ENTHD1: variants seen among roughly 807,000 people sequenced by gnomAD.
ENTHD1 encodes the protein ENTH domain-containing protein 1.
Under a neutral mutation model 39.1 loss-of-function variants are expected in ENTHD1, and 23 were observed. The observed-to-expected ratio is 0.59, with a 90% confidence interval of 0.42 to 0.83. The LOEUF (loss-of-function observed/expected upper bound fraction) is 0.83. Ranked by LOEUF, ENTHD1 falls within the 40% of genes least tolerant of loss-of-function variation. The pLI, the probability that ENTHD1 is intolerant of heterozygous loss-of-function variation, is 0.00. For missense variants in ENTHD1, 624 were observed against 705.4 expected (o/e 0.88, Z 1.31); for synonymous variants, 230 against 258.2 (o/e 0.89, Z 1.05).
chr22:39,761,301 G>A (rs1434870118), intron 6 of ENTHD1, among the ~76,000 whole-genome samples: 1 of 152,152 alleles, frequency 6.6e-6, no homozygotes, highest in Non-Finnish European at 1.5e-5. Context: ...AAAATCAGGT[G>A]TCATTCATAT....
At chr22:39,750,235 C>G (rs1010773125) in intron 6 of ENTHD1, 5 of 190,738 alleles carry the variant, frequency 2.6e-5, no homozygotes, top group Non-Finnish European at 5.7e-5. Context: ...TCTGTTAGAA[C>G]CTTGTTGAAG....
At chr22:39,833,034 A>G (rs2065881975) in intron 4 of ENTHD1, among the ~76,000 whole-genome samples, 1 of 152,064 alleles carries the variant, frequency 6.6e-6, no homozygotes, top group African/African-American at 2.4e-5. Flanking sequence ...TAGGCTTGGG[A>G]AGATGCTTCT....
chr22:39,768,867 G>A lies in ENTHD1; in HGVS notation c.833-3258C>T, dbSNP rs147174339. Among the ~76,000 whole-genome samples the A allele has an allele frequency of 3.5e-3, 532 of 152,072 alleles. 3 individuals carry two copies. The highest frequency in any genetic ancestry group is 0.012 in the African/African-American group (517 of 41,482). On this transcript the variant is annotated intron_variant, in intron 5 of 6. Transcript: ENST00000325157. ...TTTGTACTGAACTGTATTAAATGCAGGAGATATGCACAAGCAGAAGTCACA... is the reference window on the plus strand; with the variant it reads ...TTTGTACTGAACTGTATTAAATGCAAGAGATATGCACAAGCAGAAGTCACA...
chr22:39,830,632 G>T (rs1289658444), intron 4 of ENTHD1, among the ~76,000 whole-genome samples: 1 of 152,148 alleles, frequency 6.6e-6, no homozygotes, highest in Non-Finnish European at 1.5e-5. Flanking sequence ...AGGAAAAAAA[G>T]AGAAGCTAAC....
chr22:39,801,878 A>T (rs1429065388), intron 5 of ENTHD1, among the ~76,000 whole-genome samples: 1 of 152,162 alleles, frequency 6.6e-6, no homozygotes, highest in Non-Finnish European at 1.5e-5. Context: ...ATCATCCAGA[A>T]AGCACAGTTA....
intron 6 of ENTHD1, among the ~76,000 whole-genome samples, chr22:39,752,071 C>T (rs2065151767): frequency 6.6e-6 from 1 of 151,910 alleles, no homozygotes; most frequent in East Asian, 1.9e-4. Flanking sequence ...CTCTCTCTCT[C>T]TATAGAAGAT....
Position 39,744,153 on chromosome 22 carries a change from G to C in ENTHD1, c.1350C>G (p.Ser450=). 6.2e-7 allele frequency: 1 copy of C among 1,614,118 alleles called. No homozygotes were observed. The highest frequency in any genetic ancestry group is 8.5e-7 in the Non-Finnish European group (1 of 1,179,996). Residue 450 remains serine (S), a synonymous_variant, in exon 7 of 7, where the codon TCC becomes TCG. Transcript: ENST00000325157. ...ILAGPSFWTL[S]HQQLSSTSFK... Reference sequence around the variant, plus strand: ...AGGAGGTAGAAGACAACTGTTGATGGGACAGAGTCCAGAAGGAAGGTCCGG... The same window carrying C: ...AGGAGGTAGAAGACAACTGTTGATGCGACAGAGTCCAGAAGGAAGGTCCGG...
At chr22:39,798,743 CAGCAGT>C (rs2065284123) in intron 5 of ENTHD1, among the ~76,000 whole-genome samples, 2 of 152,088 alleles carry the variant, frequency 1.3e-5, no homozygotes, top group African/African-American at 4.8e-5. Flanking sequence ...GTTCTGGAGC[CAGCAGT>C]GGCAGTGGTG....
chr22:39,828,208 A>G (rs2065840874), intron 4 of ENTHD1, among the ~76,000 whole-genome samples: 1 of 152,206 alleles, frequency 6.6e-6, no homozygotes, highest in Admixed American at 6.5e-5. Context: ...CCTCTGGGGA[A>G]AGGAACTTGA....
At chr22:39,876,170 T>C in intron 2 of ENTHD1, 1 of 1,497,748 alleles carries the variant, frequency 6.7e-7, no homozygotes, top group East Asian at 2.3e-5. Context: ...CTCAGGAGAC[T>C]TATTTGAGAG....
intron 3 of ENTHD1, among the ~76,000 whole-genome samples, chr22:39,855,060 A>G (rs562434177): frequency 1.3e-5 from 2 of 152,308 alleles, no homozygotes; most frequent in East Asian, 3.9e-4. Context: ...CCTCATTTCT[A>G]TAACCCTAGG....
chr22:39,833,412 T>C (rs895814885), intron 4 of ENTHD1, among the ~76,000 whole-genome samples: 1 of 152,026 alleles, frequency 6.6e-6, no homozygotes, highest in Non-Finnish European at 1.5e-5. Context: ...AGCCCAGATA[T>C]TAGAAAACAT....
intron 5 of ENTHD1, among the ~76,000 whole-genome samples, chr22:39,773,697 A>G (rs774113931): frequency 1.2e-4 from 19 of 152,190 alleles, no homozygotes; most frequent in Non-Finnish European, 2.2e-4. Flanking sequence ...CATTCATTGC[A>G]ATTCTCTGGG....
intron 6 of ENTHD1, among the ~76,000 whole-genome samples, chr22:39,761,599 G>A (rs1346307410): frequency 6.6e-6 from 1 of 152,052 alleles, no homozygotes; most frequent in Non-Finnish European, 1.5e-5. Flanking sequence ...TCACAAGACT[G>A]AGTCTCTCTG....
chr22:39,845,018 T>C (rs1165271135), intron 3 of ENTHD1, among the ~76,000 whole-genome samples: 1 of 150,688 alleles, frequency 6.6e-6, no homozygotes, highest in Non-Finnish European at 1.5e-5. Flanking sequence ...AGAGTTCAGG[T>C]ATTCTAAAGA....
At chr22:39,781,874 A>T (rs2065412911) in intron 5 of ENTHD1, among the ~76,000 whole-genome samples, 1 of 152,246 alleles carries the variant, frequency 6.6e-6, no homozygotes, top group African/African-American at 2.4e-5. Flanking sequence ...AGAGACTATT[A>T]TGAACAACAA....
At chr22:39,826,063 T>A (rs895881511) in intron 4 of ENTHD1, among the ~76,000 whole-genome samples, 6 of 152,282 alleles carry the variant, frequency 3.9e-5, no homozygotes, top group Middle Eastern at 6.8e-3. Context: ...TTGCATTTTT[T>A]ATAGACACAT....
chr22:39,758,989 A>G lies in ENTHD1; in HGVS notation c.1219+6234T>C, dbSNP rs2065208188. On this transcript the variant is annotated intron_variant, in intron 6 of 6. Transcript: ENST00000325157. ...GGTCATGATGTATTATTATTTTTCTATGTTGCTGGATTTGATTTGCTAATA... is the reference window on the plus strand; with the variant it reads ...GGTCATGATGTATTATTATTTTTCTGTGTTGCTGGATTTGATTTGCTAATA... Among the ~76,000 whole-genome samples, 2 of 152,124 alleles carry G rather than the reference A, an allele frequency of 1.3e-5. 1 individual carries two copies. The highest frequency in any genetic ancestry group is 3.8e-4 in the East Asian group (2 of 5,204).
At chr22:39,804,184 AAAAAC>A (rs1158725295) in intron 5 of ENTHD1, among the ~76,000 whole-genome samples, 2 of 151,546 alleles carry the variant, frequency 1.3e-5, no homozygotes, top group African/African-American at 4.9e-5. Flanking sequence ...AAAGAAAAAG[AAAAAC>A]AAAACAAAAG....
Sources: allele counts gnomAD v4.1 joint callset (sites outside exome capture counted in the v4.1 genomes callset), GRCh38; gene constraint gnomAD v4.1.1; transcripts MANE v1.5; gene names NCBI Gene and HGNC (gene_info 2026-07-23, HGNC 2026-07-21).